CELF1: variants seen among roughly 807,000 people sequenced by gnomAD.
CELF1 encodes 50 kDa nuclear polyadenylated RNA-binding protein.
CELF1 carries 10 observed loss-of-function variants against 61.8 expected under a neutral mutation model. That is an observed-to-expected ratio of 0.16 (90% CI 0.10 to 0.27). The LOEUF is 0.27. CELF1 is among the 10% of genes least tolerant of loss of function. The pLI is 1.00. For synonymous variants in CELF1, 236 were observed against 225.1 expected (o/e 1.05, Z -0.43); for missense variants, 380 against 639.1 (o/e 0.59, Z 4.37).
intron 3 of CELF1, among the ~76,000 whole-genome samples, chr11:47,492,759 G>A (rs2092064588): frequency 6.6e-6 from 1 of 152,098 alleles, no homozygotes; most frequent in African/African-American, 2.4e-5. Flanking sequence ...CCTATCACTA[G>A]TGAAACACTG....
chr11:47,539,542 C>A (rs749529394), intron 1 of CELF1, among the ~76,000 whole-genome samples: 1 of 152,162 alleles, frequency 6.6e-6, no homozygotes, highest in African/African-American at 2.4e-5. Flanking sequence ...CCTGTAATCC[C>A]AGCTACTCTT....
chr11:47,492,233 G>A (rs894927952), intron 3 of CELF1, among the ~76,000 whole-genome samples: 3 of 152,098 alleles, frequency 2.0e-5, no homozygotes, highest in Non-Finnish European at 4.4e-5. Context: ...TCCCACCTCA[G>A]CCTCCCAAAG....
chr11:47,558,104 G>A (rs1290031114), upstream of CELF1, among the ~76,000 whole-genome samples: 2 of 152,046 alleles, frequency 1.3e-5, no homozygotes, highest in Non-Finnish European at 2.9e-5. Flanking sequence ...TGATCTGCCC[G>A]CCTCAGCCTC....
chr11:47,564,601 T>G (rs2153792415), intron 1 of CELF1: 1 of 152,246 alleles, frequency 6.6e-6, no homozygotes, highest in African/African-American at 2.4e-5. Flanking sequence ...GAGACCAGCC[T>G]GGCTGACAAG....
chr11:47,515,926 AT>A (rs879715631), intron 1 of CELF1, among the ~76,000 whole-genome samples: 1 of 151,138 alleles, frequency 6.6e-6, no homozygotes. Context: ...TTACTTATTT[AT>A]TTTTTTTTAG....
chr11:47,517,656 A>T (rs11819955), intron 1 of CELF1, among the ~76,000 whole-genome samples: 2,806 of 148,718 alleles, frequency 0.019, 47 homozygotes, highest in African/African-American at 0.05. Flanking sequence ...TTCTACAGAA[A>T]TTTTTTTTTT....
intron 1 of CELF1, among the ~76,000 whole-genome samples, chr11:47,504,338 C>A (rs1408969928): frequency 6.6e-6 from 1 of 152,146 alleles, no homozygotes; most frequent in Non-Finnish European, 1.5e-5. Flanking sequence ...GTAATCCCAG[C>A]ACTTTGGGAG....
chr11:47,503,042 T>A (rs752579864), intron 1 of CELF1, among the ~76,000 whole-genome samples: 3 of 152,242 alleles, frequency 2.0e-5, no homozygotes, highest in Non-Finnish European at 4.4e-5. Context: ...CAGTATTCTC[T>A]GCCTTGAATA....
At chr11:47,519,862 CAAA>C (rs768633294) in intron 1 of CELF1, among the ~76,000 whole-genome samples, 4 of 105,050 alleles carry the variant, frequency 3.8e-5, no homozygotes, top group Admixed American at 1.0e-4. Flanking sequence ...GACTCCGTCT[CAAA>C]AAAAAAAAAA....
intron 1 of CELF1, among the ~76,000 whole-genome samples, chr11:47,540,307 T>C (rs1345649159): frequency 1.3e-5 from 2 of 152,206 alleles, no homozygotes; most frequent in African/African-American, 2.4e-5. Flanking sequence ...AGAGCATTCC[T>C]AAACACGAAA....
At chr11:47,554,189 G>T (rs936983255), upstream of CELF1, among the ~76,000 whole-genome samples, 1 of 151,982 alleles carries the variant, frequency 6.6e-6, no homozygotes, top group African/African-American at 2.4e-5. Flanking sequence ...TCGCCTTTGG[G>T]GGGGAAAAAA....
intron 12 of CELF1, among the ~76,000 whole-genome samples, chr11:47,476,644 T>C (rs949255232): frequency 1.3e-5 from 2 of 152,134 alleles, no homozygotes; most frequent in Admixed American, 6.5e-5. Context: ...GCCAGAATGG[T>C]CTCGATCTCC....
intron 10 of CELF1, chr11:47,477,689 G>A (rs761973856): frequency 7.4e-5 from 25 of 335,706 alleles, no homozygotes; most frequent in Non-Finnish European, 1.4e-4. Flanking sequence ...GGGCAATTAG[G>A]AAACCAAGAA....
intron 14 of CELF1, among the ~76,000 whole-genome samples, chr11:47,472,627 TC>T (rs2078138757): frequency 6.6e-6 from 1 of 152,170 alleles, no homozygotes; most frequent in Non-Finnish European, 1.5e-5. Flanking sequence ...TGACCATGGT[TC>T]ACTGCAACCT....
intron 3 of CELF1, among the ~76,000 whole-genome samples, chr11:47,496,630 G>C (rs1045670463): frequency 6.6e-6 from 1 of 152,172 alleles, no homozygotes; most frequent in African/African-American, 2.4e-5. Context: ...CATAGAGTAG[G>C]CAACTAGAAA....
chr11:47,504,157 A>C (rs2094247293), intron 1 of CELF1, among the ~76,000 whole-genome samples: 1 of 152,216 alleles, frequency 6.6e-6, no homozygotes, highest in Non-Finnish European at 1.5e-5. Context: ...CCTGGGCAAC[A>C]GAATAAGACC....
intron 1 of CELF1, among the ~76,000 whole-genome samples, chr11:47,549,098 G>GA (rs1450965841): frequency 6.6e-6 from 1 of 151,944 alleles, no homozygotes; most frequent in Non-Finnish European, 1.5e-5. Flanking sequence ...AGATGGCCAT[G>GA]AAAAAATAAA....
chr11:47,529,385 C>A (rs1238512249), intron 1 of CELF1, among the ~76,000 whole-genome samples: 6 of 151,882 alleles, frequency 4.0e-5, no homozygotes, highest in African/African-American at 1.4e-4. Context: ...CCAATCTCTA[C>A]TAAAAATATA....
chr11:47,531,640 A>G (rs775267514), intron 1 of CELF1, among the ~76,000 whole-genome samples: 23 of 152,220 alleles, frequency 1.5e-4, no homozygotes, highest in Non-Finnish European at 2.9e-4. Flanking sequence ...TTGTATAGAT[A>G]TACCTACTCT....
Sources: gnomAD v4.1 joint callset for allele counts (sites outside exome capture counted in the v4.1 genomes callset) on GRCh38, gnomAD v4.1.1 for gene constraint, MANE v1.5 for transcripts, NCBI Gene and HGNC (gene_info 2026-07-23, HGNC 2026-07-21) for gene names.